FANK1: variants seen among roughly 807,000 people sequenced by gnomAD.
FANK1 encodes the protein fibronectin type 3 and ankyrin repeat domains protein 1.
In FANK1, 44 loss-of-function variants were observed where a neutral mutation model predicts 45.3. The observed-to-expected ratio is 0.97, with a 90% confidence interval of 0.76 to 1.25. The LOEUF (loss-of-function observed/expected upper bound fraction) is 1.25. FANK1 is among the 50% of genes most tolerant of loss of function. The probability of loss-of-function intolerance (pLI) is 0.00; values close to 1 mark genes in which losing one functional copy is unlikely to be tolerated. For missense variants in FANK1, 391 were observed against 424.4 expected (o/e 0.92, Z 0.69); for synonymous variants, 149 against 152.5 (o/e 0.98, Z 0.17).
intron 1 of FANK1, among the ~76,000 whole-genome samples, chr10:125,934,777 A>G: frequency 8.6e-6 from 1 of 116,776 alleles, no homozygotes; most frequent in Non-Finnish European, 1.6e-5. Context: ...TCACGAAGAG[A>G]AAGACAGTTG....
chr10:125,916,109 C>T (rs111693073), intron 1 of FANK1, among the ~76,000 whole-genome samples: 1 of 152,050 alleles, frequency 6.6e-6, no homozygotes, highest in Admixed American at 6.6e-5. Context: ...GCAATCTCAG[C>T]TCACTGCAAC....
At chr10:125,918,110 T>C (rs894388553) in intron 1 of FANK1, among the ~76,000 whole-genome samples, 29 of 150,160 alleles carry the variant, frequency 1.9e-4, no homozygotes, top group East Asian at 1.2e-3. Context: ...AGTTTGGTGG[T>C]TGCCAGAGGC....
chr10:125,979,985 G>A, intron 1 of FANK1, 176 bp from the exon 2 acceptor site: 1 of 669,412 alleles, frequency 1.5e-6, no homozygotes, highest in Non-Finnish European at 2.6e-6. Flanking sequence ...CACATCAGCT[G>A]AATTTTGTAT....
At chr10:125,908,974 A>T (rs1409662714) in intron 1 of FANK1, among the ~76,000 whole-genome samples, 1 of 152,282 alleles carries the variant, frequency 6.6e-6, no homozygotes, top group Non-Finnish European at 1.5e-5. Flanking sequence ...GTCTTGGTCA[A>T]TATGTTGATT....
At chr10:125,974,476 A>G (rs1169333958) in intron 1 of FANK1, among the ~76,000 whole-genome samples, 2 of 152,204 alleles carry the variant, frequency 1.3e-5, no homozygotes, top group Non-Finnish European at 2.9e-5. Context: ...TTTCAAAGGA[A>G]GTGTAAGACA....
intron 6 of FANK1, among the ~76,000 whole-genome samples, chr10:125,999,499 G>A (rs1316364799): frequency 6.6e-6 from 1 of 152,192 alleles, no homozygotes; most frequent in East Asian, 1.9e-4. Flanking sequence ...GGCAGGAAGT[G>A]TCTGTTGAAT....
At chr10:125,963,410 G>T (rs1950037884) in intron 1 of FANK1, among the ~76,000 whole-genome samples, 1 of 152,172 alleles carries the variant, frequency 6.6e-6, no homozygotes, top group South Asian at 2.1e-4. Context: ...CTACCCAAAG[G>T]ATTATAAATC....
At chr10:125,920,612 GTAGA>G (rs151246109) in intron 1 of FANK1, among the ~76,000 whole-genome samples, 1 of 152,132 alleles carries the variant, frequency 6.6e-6, no homozygotes, top group Non-Finnish European at 1.5e-5. Context: ...AATAATGATC[GTAGA>G]TAGATAATGT....
chr10:125,940,721 C>G (rs964685379), intron 1 of FANK1, among the ~76,000 whole-genome samples: 3 of 152,172 alleles, frequency 2.0e-5, no homozygotes, highest in African/African-American at 7.2e-5. Flanking sequence ...CTCAGGCTGT[C>G]TCAGTGGGGA....
At chr10:125,931,938 G>A (rs1947779446) in intron 1 of FANK1, among the ~76,000 whole-genome samples, 1 of 152,054 alleles carries the variant, frequency 6.6e-6, no homozygotes, top group South Asian at 2.1e-4. Context: ...TAACCAATTA[G>A]CCCAGCACCA....
intron 2 of FANK1, among the ~76,000 whole-genome samples, chr10:125,985,990 T>G (rs1951533456): frequency 6.6e-6 from 1 of 152,106 alleles, no homozygotes; most frequent in Non-Finnish European, 1.5e-5. Context: ...CTGGGCATCT[T>G]AAGGCCCAGA....
chr10:125,926,968 A>T (rs564536505), intron 1 of FANK1, among the ~76,000 whole-genome samples: 1 of 152,358 alleles, frequency 6.6e-6, no homozygotes, highest in South Asian at 2.1e-4. Flanking sequence ...TAAGAAATGG[A>T]TATGACCAGC....
intron 7 of FANK1, among the ~76,000 whole-genome samples, chr10:126,005,555 A>G (rs11244762): frequency 0.63 from 95,906 of 151,698 alleles, 30,970 homozygotes; most frequent in East Asian, 0.78. Flanking sequence ...TGATCCACCC[A>G]CCTCAGCCTC....
At chr10:125,960,286 G>A in intron 1 of FANK1, 1 of 300,694 alleles carries the variant, frequency 3.3e-6, no homozygotes, top group Non-Finnish European at 6.7e-6. Context: ...CAGGCATTCT[G>A]CATGCAGTAC....
chr10:125,908,557 G>T (rs1945728238), intron 1 of FANK1, among the ~76,000 whole-genome samples: 1 of 152,082 alleles, frequency 6.6e-6, no homozygotes. Flanking sequence ...CTATGAAGAT[G>T]CAAAGGCATA....
intron 5 of FANK1, among the ~76,000 whole-genome samples, chr10:125,997,154 T>C (rs1952394744): frequency 6.6e-6 from 1 of 152,232 alleles, no homozygotes; most frequent in African/African-American, 2.4e-5. Flanking sequence ...CAGCGAATTA[T>C]TTTGGTAGCC....
intron 1 of FANK1, among the ~76,000 whole-genome samples, chr10:125,941,611 T>C (rs937623366): frequency 7.9e-5 from 12 of 152,244 alleles, no homozygotes; most frequent in African/African-American, 2.9e-4. Context: ...CATAGCTGTA[T>C]GGTCTGCAGT....
intron 1 of FANK1, among the ~76,000 whole-genome samples, chr10:125,917,183 A>T (rs1946516564): frequency 6.6e-6 from 1 of 152,100 alleles, no homozygotes; most frequent in Non-Finnish European, 1.5e-5. Flanking sequence ...GGAAGCAGAT[A>T]GATCCCCAAA....
intron 1 of FANK1, among the ~76,000 whole-genome samples, chr10:125,941,439 C>G (rs1029656040): frequency 6.6e-6 from 1 of 152,192 alleles, no homozygotes; most frequent in African/African-American, 2.4e-5. Context: ...AGTGGAAACT[C>G]ATACTTCTGG....
Sources: allele counts gnomAD v4.1 joint callset (sites outside exome capture counted in the v4.1 genomes callset), GRCh38; gene constraint gnomAD v4.1.1; transcripts MANE v1.5; gene names NCBI Gene and HGNC (gene_info 2026-07-23, HGNC 2026-07-21).